MEGF10: variants seen among roughly 807,000 people sequenced by gnomAD.
MEGF10 encodes multiple EGF like domains 10.
In MEGF10, 86 loss-of-function variants were observed where a neutral mutation model predicts 147.5. The observed-to-expected ratio is 0.58, with a 90% confidence interval of 0.49 to 0.70. The LOEUF (loss-of-function observed/expected upper bound fraction) is 0.70, where lower values mean the gene tolerates loss of function less well. Ranked by LOEUF, MEGF10 falls within the 30% of genes least tolerant of loss-of-function variation. The probability of loss-of-function intolerance (pLI) is 0.00; values close to 1 mark genes in which losing one functional copy is unlikely to be tolerated. For missense variants in MEGF10, 1,329 were observed against 1,487.3 expected, an observed-to-expected ratio of 0.89 and a Z score of 1.75; for synonymous variants, 478 against 525.5, an observed-to-expected ratio of 0.91 and a Z score of 1.24.
At chr5:127,303,590 C>T (rs1255583914) in intron 1 of MEGF10, among the ~76,000 whole-genome samples, 1 of 152,212 alleles carries the variant, frequency 6.6e-6, no homozygotes, top group Non-Finnish European at 1.5e-5. Context: ...CCCTCATACT[C>T]CATGCAATCT....
the MEGF10 span, among the ~76,000 whole-genome samples, chr5:127,278,381 G>A: frequency 4.6e-5 from 7 of 152,034 alleles, no homozygotes; most frequent in East Asian, 7.7e-4. Context: ...ACCCTGATTA[G>A]AGGAGATTTA....
intron 4 of MEGF10, among the ~76,000 whole-genome samples, chr5:127,344,055 T>C (rs1325809879): frequency 6.6e-6 from 1 of 152,192 alleles, no homozygotes; most frequent in Admixed American, 6.5e-5. Flanking sequence ...ATAAAGGAAG[T>C]CATTGTTCCT....
rs1766424210 is a variant in MEGF10 at position 127,457,907 on chromosome 5, A to G, written c.*589A>G. 1 of 152,230 alleles carries G rather than the reference A, an allele frequency of 6.6e-6. No individual in the cohort carries two copies. Among genetic ancestry groups the G allele is most frequent in the African/African-American group, 2.4e-5 (1 of 41,466 alleles). The allele number at this position is 152,230 out of a possible 1,614,324, so 9.4% of individuals were successfully genotyped here. A position where few individuals can be genotyped will look rare whatever the true frequency, so the allele number is the denominator to read the frequency against. ...GACTTTGAATATACTCTAAAAGTGG[A>G]CAGAAAATTTACGAAAATCTTAGAT... On this transcript the variant is annotated 3_prime_UTR_variant, in exon 25 of 25. Coordinates refer to ENST00000503335, the MANE Select transcript of MEGF10 (RefSeq NM_001256545.2).
chr5:127,351,033 G>T (rs1488722276), intron 4 of MEGF10, among the ~76,000 whole-genome samples: 1 of 151,964 alleles, frequency 6.6e-6, no homozygotes, highest in South Asian at 2.1e-4. Flanking sequence ...AAATGGGGAT[G>T]GTTAATGGGT....
chr5:127,401,998 C>T (rs753208528), intron 7 of MEGF10, among the ~76,000 whole-genome samples: 50 of 152,184 alleles, frequency 3.3e-4, no homozygotes, highest in African/African-American at 1.0e-3. Context: ...AGTCTGTCTT[C>T]GGCAATGTGA....
chr5:127,269,699 G>T, the MEGF10 span, among the ~76,000 whole-genome samples: 1 of 152,278 alleles, frequency 6.6e-6, no homozygotes, highest in Non-Finnish European at 1.5e-5. Flanking sequence ...CCCCGATCTA[G>T]CAAGGCAGGC....
intron 5 of MEGF10, among the ~76,000 whole-genome samples, chr5:127,395,073 T>A (rs1219124780): frequency 6.6e-6 from 1 of 152,100 alleles, no homozygotes; most frequent in African/African-American, 2.4e-5. Context: ...GAAATGAAAC[T>A]TTTTTTTAAT....
At chr5:127,332,711 G>A (rs1218120329) in intron 2 of MEGF10, among the ~76,000 whole-genome samples, 1 of 152,126 alleles carries the variant, frequency 6.6e-6, no homozygotes, top group African/African-American at 2.4e-5. Context: ...TTAAGCAGAA[G>A]GACTTCCTAT....
the MEGF10 span, among the ~76,000 whole-genome samples, chr5:127,233,314 C>T: frequency 8.5e-4 from 130 of 152,278 alleles, 2 homozygotes; most frequent in South Asian, 3.9e-3. Flanking sequence ...CCACACCTTC[C>T]TGGTATAGGG....
At chr5:127,247,424 A>AGAAGAAGAAGAAGAAGAAGAAGAAGAG in the MEGF10 span, among the ~76,000 whole-genome samples, 1 of 94,450 alleles carries the variant, frequency 1.1e-5, no homozygotes, top group Admixed American at 1.1e-4. Flanking sequence ...AAGAAGAAGA[A>AGAAGAAGAAGAAGAAGAAGAAGAAGAG]GAAGAAGAAG....
intron 20 of MEGF10, 25 bp from the exon 21 acceptor site, chr5:127,447,532 T>C (rs1765990207): frequency 6.2e-7 from 1 of 1,613,692 alleles, no homozygotes; most frequent in South Asian, 1.1e-5. Context: ...CCTGCTGCCT[T>C]AACCATTTCC....
At chr5:127,284,345 C>G in the MEGF10 span, among the ~76,000 whole-genome samples, 2 of 152,118 alleles carry the variant, frequency 1.3e-5, no homozygotes, top group African/African-American at 4.8e-5. Flanking sequence ...AGAGATAAAG[C>G]TGTGTACACA....
chr5:127,350,616 A>G (rs1406788751), intron 4 of MEGF10, among the ~76,000 whole-genome samples: 2 of 152,094 alleles, frequency 1.3e-5, no homozygotes, highest in Non-Finnish European at 2.9e-5. Context: ...TTCAGGGCTC[A>G]GTCTGTACTA....
intron 4 of MEGF10, among the ~76,000 whole-genome samples, chr5:127,357,955 T>C (rs536132548): frequency 1.3e-5 from 2 of 152,306 alleles, no homozygotes; most frequent in Admixed American, 6.5e-5. Context: ...TGATTTGTAA[T>C]AGTTCTTTAA....
intron 5 of MEGF10, among the ~76,000 whole-genome samples, chr5:127,372,615 A>G (rs1274489849): frequency 6.6e-6 from 1 of 152,110 alleles, no homozygotes; most frequent in African/African-American, 2.4e-5. Flanking sequence ...CCTTGTTTTC[A>G]TGACCTTGAA....
chr5:127,336,767 G>T (rs912390347), intron 2 of MEGF10, among the ~76,000 whole-genome samples: 21 of 152,082 alleles, frequency 1.4e-4, no homozygotes, highest in African/African-American at 4.8e-4. Flanking sequence ...TGTAGAGACT[G>T]GTTGAATAAG....
intron 9 of MEGF10, among the ~76,000 whole-genome samples, chr5:127,412,788 A>G (rs1012017014): frequency 6.6e-6 from 1 of 152,208 alleles, no homozygotes; most frequent in African/African-American, 2.4e-5. Flanking sequence ...GCTAGGCTCA[A>G]CTTGGTGGTT....
the MEGF10 span, among the ~76,000 whole-genome samples, chr5:127,253,764 C>G: frequency 4.0e-5 from 6 of 151,846 alleles, no homozygotes; most frequent in Admixed American, 2.0e-4. Context: ...GGACTTATAA[C>G]AAGAAAATGA....
intron 1 of MEGF10, among the ~76,000 whole-genome samples, chr5:127,328,560 A>G (rs1435400376): frequency 6.6e-6 from 1 of 152,196 alleles, no homozygotes; most frequent in Non-Finnish European, 1.5e-5. Context: ...AAGAAGAGAA[A>G]CCAGAAGATT....
Sources: allele counts gnomAD v4.1 joint callset (sites outside exome capture counted in the v4.1 genomes callset), GRCh38; gene constraint gnomAD v4.1.1; transcripts MANE v1.5; gene names NCBI Gene and HGNC (gene_info 2026-07-23, HGNC 2026-07-21).